Variants in CEP250 observed in about 807,000 individuals in gnomAD.
The protein encoded by CEP250 is centrosome-associated protein CEP250.
CEP250 carries 242 observed loss-of-function variants against 315.7 expected under a neutral mutation model. The ratio of observed to expected loss-of-function variants is 0.77; its 90% confidence interval spans 0.69 to 0.85. The LOEUF (loss-of-function observed/expected upper bound fraction) is 0.85. CEP250 is among the 40% of genes least tolerant of loss of function. The probability of loss-of-function intolerance (pLI) is 0.00; values close to 1 mark genes in which losing one functional copy is unlikely to be tolerated. For synonymous variants in CEP250, 1,088 were observed against 1,175.0 expected (o/e 0.93, Z 1.51); for missense variants, 2,515 against 2,886.4 (o/e 0.87, Z 2.95).
rs2147239969 is a variant in CEP250 at position 35,511,454 on chromosome 20, G to A, written c.7157G>A (p.Gly2386Asp). 6.2e-7 allele frequency: 1 copy of A among 1,614,096 alleles called. No homozygotes were observed. The highest frequency in any genetic ancestry group is 8.5e-7 in the Non-Finnish European group (1 of 1,180,020). ...RSAQTSRELA[G>D]LHHSLSHSLL... The stretch of plus-strand genomic sequence containing the variant: ...GCACAGACCAGCCGTGAGCTAGCAG[G>A]CCTGCACCACAGCCTCTCACACTCA... Residue 2386 changes from glycine (G) to aspartate (D), a missense_variant, in exon 35 of 35, where the codon GGC (glycine) becomes GAC (aspartate). By Grantham distance (94) the Gly-to-Asp change is moderately conservative (BLOSUM62 -1). Coordinates refer to ENST00000397527, the MANE Select transcript of CEP250 (RefSeq NM_007186.6).
intron 24 of CEP250, 81 bp downstream of exon 24, chr20:35,494,738 G>A: frequency 2.6e-6 from 4 of 1,522,744 alleles, no homozygotes; most frequent in East Asian, 4.5e-5. Context: ...GTTTGCTCAG[G>A]CCACCTTGCC....
At chr20:35,508,235 T>C in intron 32 of CEP250, 45 bp downstream of exon 32, 2 of 1,604,754 alleles carry the variant, frequency 1.2e-6, no homozygotes, top group Non-Finnish European at 1.7e-6. Context: ...CCACTTCTCG[T>C]GTGGTCCCTA....
At position 35,462,326 on chromosome 20, in the gene CEP250, C is replaced by G; in HGVS notation, c.-42C>G. On this transcript the variant is annotated 5_prime_UTR_variant, in exon 4 of 35. Transcript: ENST00000397527. ...AGACCCTGCTGGGCGTGAACACCCT[C>G]TGGCTACCTAGGGACCTGTGGGCCT... 6.6e-7 allele frequency: 1 copy of G among 1,518,856 alleles called. No individual in the cohort carries two copies. Among genetic ancestry groups the G allele is most frequent in the Non-Finnish European group, 8.9e-7 (1 of 1,121,546 alleles). 94.1% of individuals were successfully genotyped at this position (1,518,856 alleles called of 1,614,324 possible). A position where few individuals can be genotyped will look rare whatever the true frequency, so the allele number is the denominator to read the frequency against.
chr20:35,511,233 A>AT, intron 34 of CEP250, 130 bp from the exon 35 acceptor site: 1 of 724,604 alleles, frequency 1.4e-6, no homozygotes, highest in Non-Finnish European at 2.3e-6. Flanking sequence ...TGTTTCTGAG[A>AT]TTCGTGTATG....
At chr20:35,460,699 C>T (rs910292819) in intron 3 of CEP250, among the ~76,000 whole-genome samples, 2 of 152,236 alleles carry the variant, frequency 1.3e-5, no homozygotes, top group African/African-American at 4.8e-5. Context: ...TATGTACATT[C>T]TCCCAATGAT....
intron 3 of CEP250, among the ~76,000 whole-genome samples, 187 bp from the exon 4 acceptor site, chr20:35,462,078 C>T (rs78753171): frequency 0.023 from 3,506 of 152,234 alleles, 62 homozygotes; most frequent in Non-Finnish European, 0.036. Context: ...GTGCAGAGTT[C>T]CAAAAGTCAT....
intron 33 of CEP250, 25 bp from the exon 34 acceptor site, chr20:35,509,973 C>T (rs781669925): frequency 6.2e-7 from 1 of 1,612,158 alleles, no homozygotes; most frequent in Non-Finnish European, 8.5e-7. Context: ...CCTATGCCAA[C>T]AAGAGTGCTG....
chr20:35,498,815 C>G, intron 27 of CEP250, 99 bp downstream of exon 27: 1 of 1,384,252 alleles, frequency 7.2e-7, no homozygotes, highest in Non-Finnish European at 9.6e-7. Context: ...TTCCTGAGAT[C>G]AAGTTGGGAT....
At chr20:35,480,279 A>C in intron 20 of CEP250, 134 bp downstream of exon 20, 1 of 850,602 alleles carries the variant, frequency 1.2e-6, no homozygotes, top group Non-Finnish European at 1.8e-6. Context: ...CTGCTATTAA[A>C]TGAGTTAATA....
At chr20:35,476,910 G>A (rs1020953763) in intron 16 of CEP250, among the ~76,000 whole-genome samples, 1 of 152,116 alleles carries the variant, frequency 6.6e-6, no homozygotes, top group African/African-American at 2.4e-5. Flanking sequence ...GTGCAGTGGT[G>A]CGATCTTAGC....
intron 22 of CEP250, 136 bp downstream of exon 22, chr20:35,491,482 G>T (rs1449183626): frequency 7.1e-6 from 7 of 987,218 alleles, no homozygotes. Context: ...TAAAGGTATG[G>T]CACAGGCTGG....
intron 29 of CEP250, 72 bp downstream of exon 29, chr20:35,502,038 C>A: frequency 1.3e-6 from 2 of 1,527,876 alleles, no homozygotes; most frequent in South Asian, 2.5e-5. Context: ...GGCCTGTGGT[C>A]CTGTGTCCCA....
chr20:35,503,103 G>A lies in CEP250; in HGVS notation c.4734G>A (p.Glu1578=), dbSNP rs781717794. 2.2e-5 allele frequency: 35 copies of A among 1,614,060 alleles called. No individual in the cohort carries two copies. Among genetic ancestry groups the A allele is most frequent in the Non-Finnish European group, 3.0e-5 (35 of 1,180,048 alleles). Residue 1578 remains glutamate (E), a synonymous_variant, in exon 30 of 35, where the codon GAG becomes GAA. Transcript: ENST00000397527. The surrounding 1 kb of genome is among the most constrained non-coding windows in gnomAD (Gnocchi z 4.2). ...KMECQQKLIK[E]LEGQRETQRV... is the part of the protein sequence containing the mutation. ...AGTGCCAGCAAAAACTGATCAAGGA[G>A]CTGGAGGGCCAGAGGGAAACCCAGA...
At chr20:35,467,179 G>GGCCC in intron 8 of CEP250, 107 bp downstream of exon 8, 1 of 534,894 alleles carries the variant, frequency 1.9e-6, no homozygotes, top group South Asian at 1.6e-5. Flanking sequence ...GGTGGGTGGG[G>GGCCC]GAGTTGGTAG....
In CEP250 at chr20:35,465,915, C is replaced by G. The variant is rs1180776547; in HGVS notation, c.326+90C>G. On this transcript the variant is annotated intron_variant, in intron 6 of 34. Transcript: ENST00000397527. The stretch of plus-strand genomic sequence containing the variant: ...CTTCTGCCCTGAGGGCTAATGTGGA[C>G]TTCAGCCATAGCCCTCTAATTCCTG... 4 of 1,515,702 alleles carry G rather than the reference C, an allele frequency of 2.6e-6. No homozygotes were observed. In the East Asian group the frequency reaches 9.1e-5, roughly 34 times the overall value. The allele number at this position is 1,515,702 out of a possible 1,614,324, so 93.9% of individuals were successfully genotyped here. A position where few individuals can be genotyped will look rare whatever the true frequency, so the allele number is the denominator to read the frequency against.
rs17092679 is a variant in CEP250 at position 35,476,676 on chromosome 20, C to G, written c.1863+81C>G. The G allele has an allele frequency of 5.1e-3, 6,196 of 1,209,216 alleles. 242 individuals carry two copies. In the African/African-American group the frequency reaches 0.081, roughly 16 times the overall value. 74.9% of individuals were successfully genotyped at this position (1,209,216 alleles called of 1,614,324 possible). On this transcript the variant is annotated intron_variant, in intron 16 of 34. Coordinates refer to ENST00000397527, the MANE Select transcript of CEP250 (RefSeq NM_007186.6). The stretch of plus-strand genomic sequence containing the variant: ...GACGGATCAGCTCCCAAATGTAGGT[C>G]TGAAATGAGCAAAAGGAACATTTAC...
intron 20 of CEP250, among the ~76,000 whole-genome samples, chr20:35,484,396 C>A (rs1055254668): frequency 2.0e-5 from 3 of 152,264 alleles, no homozygotes. Context: ...ATGTGCAGCT[C>A]AGCTTGTGGT....
Position 35,504,423 on chromosome 20 carries a change from T to C in CEP250, c.6054T>C (p.Ala2018=). 1 of 1,609,422 alleles carries C rather than the reference T, an allele frequency of 6.2e-7. No homozygotes were observed. Among genetic ancestry groups the C allele is most frequent in the Non-Finnish European group, 8.5e-7 (1 of 1,177,960 alleles). Residue 2018 remains alanine, a synonymous_variant, in exon 30 of 35, where the codon GCT becomes GCC. Transcript: ENST00000397527. ...CQAHSRQLEE[A]LRIQEGEIQD... is the part of the protein sequence containing the mutation. The stretch of plus-strand genomic sequence containing the variant: ...CACACAGTCGGCAGCTGGAGGAGGC[T>C]CTGAGGATACAAGAAGGTGAGATCC...
rs1436674333 is a variant in CEP250, at chr20:35,504,243, T to C, written c.5874T>C (p.Ala1958=). Residue 1958 remains alanine, a synonymous_variant, in exon 30 of 35, where the codon GCT becomes GCC. Transcript: ENST00000397527. The stretch of plus-strand genomic sequence containing the variant: ...AGTCCTCCCGGCATCAGGAGGAGGC[T>C]GCCCGGGCCCGGGCTGAGGCTCTGC... ...ESQSSRHQEE[A]ARARAEALQE... 4.4e-6 allele frequency: 7 copies of C among 1,603,562 alleles called. No homozygotes were observed. Among genetic ancestry groups the C allele is most frequent in the Non-Finnish European group, 6.0e-6 (7 of 1,175,532 alleles).
Sources: gnomAD v4.1 joint callset for allele counts (sites outside exome capture counted in the v4.1 genomes callset) on GRCh38, gnomAD v4.1.1 for gene constraint, Gnocchi (gnomAD v3.1) non-coding constraint, MANE v1.5 for transcripts, NCBI Gene and HGNC (gene_info 2026-07-23, HGNC 2026-07-21) for gene names.